The following WTAP variants were observed in gnomAD, a reference collection of about 807,000 sequenced individuals.
WTAP encodes pre-mRNA-splicing regulator WTAP.
In WTAP, 8 loss-of-function variants were observed where a neutral mutation model predicts 50.0. The ratio of observed to expected loss-of-function variants is 0.16; its 90% CI spans 0.09 to 0.29. WTAP has a LOEUF of 0.29. Ranked by LOEUF, WTAP falls within the 10% of genes least tolerant of loss-of-function variation. The pLI is 1.00. For synonymous variants in WTAP, 194 were observed against 169.0 expected (o/e 1.15, Z -1.15); for missense variants, 295 against 470.7 (o/e 0.63, Z 3.45).
At chr6:159,733,515 G>C (rs966321873) in intron 1 of WTAP, among the ~76,000 whole-genome samples, 1 of 152,118 alleles carries the variant, frequency 6.6e-6, no homozygotes, top group African/African-American at 2.4e-5. Context: ...CCAGGTACTC[G>C]GGAGGCTGAG....
intron 2 of WTAP, chr6:159,736,710 T>TA (rs780456899): frequency 6.5e-6 from 1 of 153,974 alleles, no homozygotes; most frequent in South Asian, 2.0e-4. Flanking sequence ...ACTACTTTAT[T>TA]AAAAAAATGG....
At chr6:159,740,503 A>G (rs1487792941) in intron 3 of WTAP, among the ~76,000 whole-genome samples, 5 of 151,738 alleles carry the variant, frequency 3.3e-5, no homozygotes, top group Admixed American at 6.6e-5. Context: ...CAGTTTTTAT[A>G]TTTTTCTGTA....
intron 3 of WTAP, among the ~76,000 whole-genome samples, chr6:159,741,014 A>G (rs193238905): frequency 6.6e-6 from 1 of 152,276 alleles, no homozygotes; most frequent in African/African-American, 2.4e-5. Context: ...TTGTAATATT[A>G]ATAACTCATG....
At chr6:159,739,326 T>G (rs1779103148) in intron 3 of WTAP, among the ~76,000 whole-genome samples, 1 of 152,240 alleles carries the variant, frequency 6.6e-6, no homozygotes, top group Admixed American at 6.5e-5. Flanking sequence ...AATGTAATCC[T>G]AAAAGATGCA....
intron 5 of WTAP, among the ~76,000 whole-genome samples, chr6:159,747,970 T>G (rs1329018411): frequency 2.0e-5 from 3 of 152,184 alleles, no homozygotes; most frequent in Admixed American, 2.0e-4. Context: ...ATACATATAA[T>G]GTATAGTGAT....
chr6:159,728,882 C>G (rs184371646), intron 1 of WTAP, among the ~76,000 whole-genome samples: 1 of 152,246 alleles, frequency 6.6e-6, no homozygotes, highest in East Asian at 1.9e-4. Flanking sequence ...AGTACTTTTT[C>G]ATTGGCAGAA....
chr6:159,744,481 AT>A (rs1455875478), intron 5 of WTAP, among the ~76,000 whole-genome samples: 1 of 152,160 alleles, frequency 6.6e-6, no homozygotes, highest in Non-Finnish European at 1.5e-5. Flanking sequence ...GTCTTCTAAG[AT>A]AGTATTCTGG....
At chr6:159,727,406 A>AGGCGGGAGGCGG (rs761734374), upstream of WTAP, 8 of 501,492 alleles carry the variant, frequency 1.6e-5, no homozygotes, top group African/African-American at 2.5e-4. Context: ...GGCGGGAGGC[A>AGGCGGGAGGCGG]GTGGCGCTGG....
intron 1 of WTAP, among the ~76,000 whole-genome samples, chr6:159,735,917 T>C (rs1468053146): frequency 2.0e-5 from 3 of 152,184 alleles, no homozygotes; most frequent in Non-Finnish European, 4.4e-5. Flanking sequence ...AGGATACTAC[T>C]TGAGGTCATT....
chr6:159,745,604 TGA>T (rs1159260315), intron 5 of WTAP, among the ~76,000 whole-genome samples: 3 of 152,028 alleles, frequency 2.0e-5, no homozygotes, highest in Admixed American at 1.3e-4. Flanking sequence ...AAGTTTCAGG[TGA>T]GAGTGAAAAA....
intron 5 of WTAP, among the ~76,000 whole-genome samples, chr6:159,744,456 T>C (rs1055381718): frequency 6.6e-6 from 1 of 152,204 alleles, no homozygotes; most frequent in African/African-American, 2.4e-5. Context: ...AGAAGTCTTC[T>C]TATGTGTTAT....
intron 3 of WTAP, among the ~76,000 whole-genome samples, chr6:159,741,058 C>G (rs2114917842): frequency 6.6e-6 from 1 of 152,244 alleles, no homozygotes; most frequent in South Asian, 2.1e-4. Flanking sequence ...AAATGGTTTT[C>G]TAAAGCCAAA....
Position 159,755,791 on chromosome 6 carries a change from GCTTCAATA to G in WTAP, c.*185_*192del, listed in dbSNP as rs1779992740. On this transcript the variant is annotated 3_prime_UTR_variant, in exon 8 of 8. Coordinates refer to ENST00000621533, the MANE Select transcript of WTAP (RefSeq NM_001270531.2). ...TTTTTTTTTTTTTTTTTTTTTTTTT[GCTTCAATA>G]CTTCTGCCGCTTTGGAAATTGTAAC... 1 of 419,374 alleles carries G rather than the reference GCTTCAATA, an allele frequency of 2.4e-6. No individual in the cohort carries two copies. The highest frequency in any genetic ancestry group is 3.1e-6 in the Non-Finnish European group (1 of 323,808). 26.0% of individuals were successfully genotyped at this position (419,374 alleles called of 1,614,324 possible).
chr6:159,737,565 C>T (rs1430279767), intron 2 of WTAP, among the ~76,000 whole-genome samples: 2 of 152,104 alleles, frequency 1.3e-5, no homozygotes, highest in African/African-American at 2.4e-5. Context: ...ACAATCTTGG[C>T]TCATTGTGGC....
At chr6:159,729,372 A>G (rs2114862968) in intron 1 of WTAP, among the ~76,000 whole-genome samples, 1 of 152,354 alleles carries the variant, frequency 6.6e-6, no homozygotes, top group Non-Finnish European at 1.5e-5. Flanking sequence ...TGTAGTTACT[A>G]AGCTTAACAC....
At chr6:159,749,223 A>G (rs1779733393) in intron 6 of WTAP, 1 of 985,846 alleles carries the variant, frequency 1.0e-6, no homozygotes, top group Non-Finnish European at 1.2e-6. Flanking sequence ...TTTCACAACT[A>G]GATTGTATAA....
At chr6:159,740,588 T>C (rs374493528) in intron 3 of WTAP, among the ~76,000 whole-genome samples, 1 of 152,172 alleles carries the variant, frequency 6.6e-6, no homozygotes, top group Non-Finnish European at 1.5e-5. Context: ...TTTGGTAAAC[T>C]ACGTGTCTTA....
intron 1 of WTAP, among the ~76,000 whole-genome samples, chr6:159,728,800 TG>T (rs1778387630): frequency 6.6e-6 from 1 of 152,218 alleles, no homozygotes. Context: ...TTTGGGTAGG[TG>T]TGTTTCTTAC....
chr6:159,751,485 G>A (rs1032597528), intron 6 of WTAP, among the ~76,000 whole-genome samples: 31 of 152,178 alleles, frequency 2.0e-4, no homozygotes, highest in African/African-American at 7.2e-4. Flanking sequence ...TGACAATCTT[G>A]CATATCTCTC....
Sources: allele counts gnomAD v4.1 joint callset (sites outside exome capture counted in the v4.1 genomes callset), GRCh38; gene constraint gnomAD v4.1.1; transcripts MANE v1.5; gene names NCBI Gene and HGNC (gene_info 2026-07-23, HGNC 2026-07-21).